The following ASIC2 variants were observed in gnomAD, a reference collection of about 807,000 sequenced individuals.
The protein encoded by ASIC2 is acid-sensing ion channel 2.
A neutral mutation model predicts 57.3 loss-of-function variants in ASIC2; 25 were observed. That is an observed-to-expected ratio of 0.44 (90% confidence interval 0.32 to 0.61). The LOEUF (loss-of-function observed/expected upper bound fraction) is 0.61, where lower values mean the gene tolerates loss of function less well. Among genes scored for constraint, ASIC2 ranks in the 20% least tolerant of loss-of-function variants. The pLI is 0.06. For synonymous variants in ASIC2, 319 were observed against 307.5 expected (o/e 1.04, Z -0.39); for missense variants, 641 against 738.1 (o/e 0.87, Z 1.52).
intron 3 of ASIC2, among the ~76,000 whole-genome samples, chr17:33,053,586 C>T (rs2091986137): frequency 6.6e-6 from 1 of 152,180 alleles, no homozygotes; most frequent in Admixed American, 6.5e-5. Context: ...TCTTAACTGG[C>T]CTTTGTCTCG....
intron 1 of ASIC2, chr17:33,794,183 G>T (rs1315574061): frequency 6.6e-6 from 1 of 152,148 alleles, no homozygotes; most frequent in Non-Finnish European, 1.5e-5. Context: ...TGACTTTATA[G>T]TCTCCTCCAT....
chr17:33,433,697 G>A (rs28627508), intron 1 of ASIC2, among the ~76,000 whole-genome samples: 4 of 151,854 alleles, frequency 2.6e-5, no homozygotes, highest in South Asian at 2.1e-4. Context: ...TGCAGTGAGC[G>A]TAGATCGTGC....
At chr17:33,923,133 G>C (rs1915744146) in intron 1 of ASIC2, among the ~76,000 whole-genome samples, 1 of 152,186 alleles carries the variant, frequency 6.6e-6, no homozygotes, top group Non-Finnish European at 1.5e-5. Flanking sequence ...CTTTGGCTTT[G>C]AGTGGCTTTC....
chr17:33,441,801 C>A (rs1387638332), intron 1 of ASIC2, among the ~76,000 whole-genome samples: 1 of 152,168 alleles, frequency 6.6e-6, no homozygotes, highest in Non-Finnish European at 1.5e-5. Context: ...TACTTCTGCA[C>A]AACTGTCTAC....
At chr17:33,955,968 T>A (rs1189150254) in intron 1 of ASIC2, among the ~76,000 whole-genome samples, 1 of 152,180 alleles carries the variant, frequency 6.6e-6, no homozygotes, top group Admixed American at 6.5e-5. Context: ...TTCCTATCTC[T>A]TGAGTGGCCA....
intron 1 of ASIC2, chr17:33,828,625 T>G (rs1326040725): frequency 6.6e-6 from 1 of 152,166 alleles, no homozygotes; most frequent in African/African-American, 2.4e-5. Context: ...GAGATGAACT[T>G]GGAGTGAAAT....
At chr17:33,482,230 C>T (rs1913430011) in intron 1 of ASIC2, among the ~76,000 whole-genome samples, 1 of 152,214 alleles carries the variant, frequency 6.6e-6, no homozygotes, top group Admixed American at 6.5e-5. Context: ...GCCTGCTGGG[C>T]CTCTGAAGAC....
chr17:34,037,719 A>G, intron 1 of ASIC2: 3 of 1,614,148 alleles, frequency 1.9e-6, no homozygotes, highest in South Asian at 1.1e-5. Context: ...TGAGGCAACA[A>G]GTAGGGATCA....
At chr17:34,000,627 G>T (rs1489242110) in intron 1 of ASIC2, among the ~76,000 whole-genome samples, 1 of 152,138 alleles carries the variant, frequency 6.6e-6, no homozygotes, top group Admixed American at 6.6e-5. Context: ...CTCTCTCCAG[G>T]TTTGGGAAGT....
chr17:33,048,447 C>T (rs566887601), intron 3 of ASIC2, among the ~76,000 whole-genome samples: 2 of 152,332 alleles, frequency 1.3e-5, no homozygotes, highest in South Asian at 4.1e-4. Context: ...CGAGCTCACA[C>T]TTGAACGTAT....
intron 1 of ASIC2, among the ~76,000 whole-genome samples, chr17:33,164,733 G>A (rs1341920692): frequency 6.6e-6 from 1 of 152,114 alleles, no homozygotes; most frequent in African/African-American, 2.4e-5. Context: ...AGAATTCCTT[G>A]GAGTCAGGCC....
At chr17:33,434,058 C>T (rs1488086506) in intron 1 of ASIC2, among the ~76,000 whole-genome samples, 2 of 151,334 alleles carry the variant, frequency 1.3e-5, no homozygotes, top group East Asian at 3.9e-4. Flanking sequence ...AGGCAGAAGG[C>T]TTGTCAGTAT....
intron 1 of ASIC2, among the ~76,000 whole-genome samples, chr17:33,892,428 G>C (rs1914989043): frequency 6.6e-6 from 1 of 152,194 alleles, no homozygotes; most frequent in Admixed American, 6.5e-5. Flanking sequence ...ACAGCATGCT[G>C]TGTTGGAAGA....
chr17:33,763,003 G>C (rs571542394), intron 1 of ASIC2, among the ~76,000 whole-genome samples: 83 of 152,250 alleles, frequency 5.5e-4, no homozygotes, highest in Non-Finnish European at 1.0e-3. Context: ...CCCTGAATCA[G>C]ACAGGGAAAG....
At chr17:33,380,329 TATC>T (rs1319670654) in intron 1 of ASIC2, among the ~76,000 whole-genome samples, 1 of 151,946 alleles carries the variant, frequency 6.6e-6, no homozygotes, top group Non-Finnish European at 1.5e-5. Flanking sequence ...CATTGACTCT[TATC>T]ATGTACATGA....
intron 1 of ASIC2, among the ~76,000 whole-genome samples, chr17:33,147,397 A>G (rs1303640288): frequency 6.6e-6 from 1 of 152,228 alleles, no homozygotes; most frequent in Non-Finnish European, 1.5e-5. Flanking sequence ...AAGACATCAT[A>G]CAAGTTCAGC....
intron 1 of ASIC2, among the ~76,000 whole-genome samples, chr17:33,419,529 A>T (rs1357629410): frequency 1.3e-5 from 2 of 152,210 alleles, no homozygotes; most frequent in Non-Finnish European, 2.9e-5. Flanking sequence ...GCAGATAAAG[A>T]TTGCTGGATG....
Position 33,101,828 on chromosome 17 carries a change from C to T in ASIC2, c.859+10089G>A, listed in dbSNP as rs186098585. On this transcript the variant is annotated intron_variant, in intron 2 of 9. Transcript: ENST00000225823. ...TATAATGTTTTTGATCTCTCTCTTG[C>T]GAAATAAATATTTTGTTTTTCCTGT... Among the ~76,000 whole-genome samples, 268 of 152,234 alleles carry T rather than the reference C, an allele frequency of 1.8e-3. 1 individual carries two copies. The highest frequency in any genetic ancestry group is 6.1e-3 in the African/African-American group (253 of 41,566).
At chr17:33,240,896 A>G (rs1181483620) in intron 1 of ASIC2, among the ~76,000 whole-genome samples, 2 of 152,220 alleles carry the variant, frequency 1.3e-5, no homozygotes, top group African/African-American at 2.4e-5. Context: ...CAAAGGCAGG[A>G]TCGTGGCATG....
Sources: gnomAD v4.1 joint callset for allele counts (sites outside exome capture counted in the v4.1 genomes callset) on GRCh38, gnomAD v4.1.1 for gene constraint, MANE v1.5 for transcripts, NCBI Gene and HGNC (gene_info 2026-07-23, HGNC 2026-07-21) for gene names.